CENPP: variants seen among roughly 807,000 people sequenced by gnomAD.
The protein encoded by CENPP is centromere protein P.
A neutral mutation model predicts 35.6 loss-of-function variants in CENPP; 24 were observed. The observed-to-expected ratio is 0.67, with a 90% CI of 0.49 to 0.95. The LOEUF (loss-of-function observed/expected upper bound fraction) is 0.95. CENPP is among the 40% of genes least tolerant of loss of function. The pLI is 0.00. For missense variants in CENPP, 332 were observed against 345.3 expected, an observed-to-expected ratio of 0.96 and a Z score of 0.31; for synonymous variants, 120 against 125.5, an observed-to-expected ratio of 0.96 and a Z score of 0.29.
At chr9:92,567,954 A>G (rs549242055) in intron 5 of CENPP, among the ~76,000 whole-genome samples, 11 of 152,340 alleles carry the variant, frequency 7.2e-5, no homozygotes, top group Admixed American at 2.6e-4. Context: ...GATATAAGGA[A>G]TATATAAAAT....
chr9:92,612,359 T>G (rs1176036488), intron 6 of CENPP, among the ~76,000 whole-genome samples, 164 bp from the exon 7 acceptor site: 2 of 152,216 alleles, frequency 1.3e-5, no homozygotes, highest in African/African-American at 4.8e-5. Context: ...TGATCCTGGT[T>G]CCATTTGCCT....
At chr9:92,500,080 AGTTTT>A (rs1468629763) in intron 5 of CENPP, among the ~76,000 whole-genome samples, 1 of 152,234 alleles carries the variant, frequency 6.6e-6, no homozygotes, top group Non-Finnish European at 1.5e-5. Flanking sequence ...TTTATAGATT[AGTTTT>A]ATTTATTTAT....
intron 1 of CENPP, among the ~76,000 whole-genome samples, chr9:92,331,430 T>A (rs985570155): frequency 6.6e-6 from 1 of 152,220 alleles, no homozygotes; most frequent in Non-Finnish European, 1.5e-5. Context: ...TCCACCCGCC[T>A]TGGCTTCCCA....
chr9:92,457,405 A>G, intron 5 of CENPP: 2 of 1,613,922 alleles, frequency 1.2e-6, no homozygotes, highest in African/African-American at 1.3e-5. Flanking sequence ...CACTGTATAA[A>G]GATTTCTTCA....
intron 6 of CENPP, among the ~76,000 whole-genome samples, 166 bp downstream of exon 6, chr9:92,611,559 C>G (rs912464897): frequency 6.6e-6 from 1 of 152,006 alleles, no homozygotes; most frequent in Admixed American, 6.5e-5. Flanking sequence ...TATGGGGGTG[C>G]GGGGAGCTGG....
intron 5 of CENPP, among the ~76,000 whole-genome samples, chr9:92,526,501 C>A (rs1848418172): frequency 6.6e-6 from 1 of 151,426 alleles, no homozygotes; most frequent in Non-Finnish European, 1.5e-5. Context: ...TATAAACAAC[C>A]TAATAATACA....
At chr9:92,349,705 G>GTA (rs1180308115) in intron 4 of CENPP, among the ~76,000 whole-genome samples, 1 of 151,906 alleles carries the variant, frequency 6.6e-6, no homozygotes, top group Non-Finnish European at 1.5e-5. Flanking sequence ...CCTGGCCTAT[G>GTA]TATACATTTA....
At chr9:92,391,157 G>A (rs1842662514) in intron 5 of CENPP, among the ~76,000 whole-genome samples, 1 of 151,880 alleles carries the variant, frequency 6.6e-6, no homozygotes, top group African/African-American at 2.4e-5. Flanking sequence ...AGCACTTTGG[G>A]AGGCCAAGGT....
At chr9:92,367,862 C>T (rs1227838763) in intron 4 of CENPP, among the ~76,000 whole-genome samples, 1 of 152,192 alleles carries the variant, frequency 6.6e-6, no homozygotes, top group Non-Finnish European at 1.5e-5. Context: ...GCGATTCACC[C>T]GCCTTAGCCG....
At chr9:92,387,315 G>T (rs1037663836) in intron 5 of CENPP, among the ~76,000 whole-genome samples, 2 of 151,666 alleles carry the variant, frequency 1.3e-5, no homozygotes, top group Non-Finnish European at 2.9e-5. Context: ...GGTGGAGGTT[G>T]CAGTGAGCCG....
intron 5 of CENPP, among the ~76,000 whole-genome samples, chr9:92,591,618 AGAT>A (rs1236453477): frequency 5.3e-5 from 8 of 151,838 alleles, no homozygotes; most frequent in Non-Finnish European, 1.0e-4. Context: ...GAAATAAAAT[AGAT>A]GATATGTTCT....
chr9:92,464,106 T>A (rs1271926475), intron 5 of CENPP, among the ~76,000 whole-genome samples: 1 of 152,142 alleles, frequency 6.6e-6, no homozygotes, highest in East Asian at 1.9e-4. Flanking sequence ...TAGGGGTTAT[T>A]TTTGGCCCAG....
intron 5 of CENPP, among the ~76,000 whole-genome samples, chr9:92,540,435 C>CA (rs35325216): frequency 0.29 from 33,828 of 117,480 alleles, 5,819 homozygotes; most frequent in African/African-American, 0.52. Context: ...GAGACTGTCT[C>CA]AAAAAAAAAA....
intron 5 of CENPP, among the ~76,000 whole-genome samples, chr9:92,411,162 C>G (rs554424499): frequency 6.6e-6 from 1 of 151,938 alleles, no homozygotes; most frequent in Admixed American, 6.6e-5. Context: ...TTAGTAGAGA[C>G]GGGGTTTCAC....
intron 5 of CENPP, among the ~76,000 whole-genome samples, chr9:92,609,154 G>A (rs1424432253): frequency 6.6e-6 from 1 of 152,264 alleles, no homozygotes; most frequent in Non-Finnish European, 1.5e-5. Flanking sequence ...AAACTGTTGT[G>A]CTGAAGTTAG....
At chr9:92,442,865 T>C (rs531994500) in intron 5 of CENPP, among the ~76,000 whole-genome samples, 2 of 150,878 alleles carry the variant, frequency 1.3e-5, no homozygotes, top group Admixed American at 6.6e-5. Flanking sequence ...AAAAAAAACA[T>C]TGGATACAAT....
upstream of CENPP, chr9:92,325,881 C>T: frequency 1.3e-6 from 1 of 769,798 alleles, no homozygotes. Context: ...CGCCTCCCCT[C>T]CGCGTGAGCT....
chr9:92,516,077 C>CT (rs1004605913), intron 5 of CENPP, among the ~76,000 whole-genome samples: 1 of 149,892 alleles, frequency 6.7e-6, no homozygotes, highest in East Asian at 1.9e-4. Flanking sequence ...TTTTTTCCCC[C>CT]CCCCGAGACG....
chr9:92,410,850 C>T (rs1410538958), intron 5 of CENPP, among the ~76,000 whole-genome samples: 1 of 152,192 alleles, frequency 6.6e-6, no homozygotes, highest in African/African-American at 2.4e-5. Flanking sequence ...CTTATGACAA[C>T]CATATGGAAA....
Sources: gnomAD v4.1 joint callset for allele counts (sites outside exome capture counted in the v4.1 genomes callset) on GRCh38, gnomAD v4.1.1 for gene constraint, MANE v1.5 for transcripts, NCBI Gene and HGNC (gene_info 2026-07-23, HGNC 2026-07-21) for gene names.